The following DCTN2 variants were observed in gnomAD, a reference collection of about 807,000 sequenced individuals.
DCTN2 encodes dynactin subunit 2.
DCTN2 carries 18 observed loss-of-function variants against 55.4 expected under a neutral mutation model. The ratio of observed to expected loss-of-function variants is 0.32; its 90% CI spans 0.22 to 0.48. The LOEUF is 0.48. Among genes scored for constraint, DCTN2 ranks in the 20% least tolerant of loss-of-function variants. The probability of loss-of-function intolerance (pLI) is 0.99; values close to 1 mark genes in which losing one functional copy is unlikely to be tolerated. For synonymous variants in DCTN2, 168 were observed against 185.2 expected (o/e 0.91, Z 0.76); for missense variants, 390 against 491.0 (o/e 0.79, Z 1.94).
chr12:57,533,882 G>A, intron 7 of DCTN2, 71 bp downstream of exon 7: 1 of 1,477,272 alleles, frequency 6.8e-7, no homozygotes, highest in Non-Finnish European at 9.1e-7. Context: ...CCTCTCCTTG[G>A]AGAGAGGCAG....
At chr12:57,531,265 T>C (rs1879675693) in intron 13 of DCTN2, among the ~76,000 whole-genome samples, 1 of 152,108 alleles carries the variant, frequency 6.6e-6, no homozygotes, top group Non-Finnish European at 1.5e-5. Context: ...CTCACGCCTG[T>C]AATCTCAGCA....
chr12:57,535,485 A>G lies in DCTN2; in HGVS notation c.263T>C (p.Met88Thr). 6.2e-7 allele frequency: 1 copy of G among 1,613,878 alleles called. No homozygotes were observed. Residue 88 changes from methionine to threonine, a missense_variant and splice_region_variant, in exon 4 of 14, where the codon ATG (methionine) becomes ACG (threonine). Physicochemically the swap from Met to Thr is moderately conservative, Grantham distance 81. Transcript: ENST00000548249. ...AACACACACACACACACAACAAACC[A>G]TCTCATATTCTCCAGATTCATATCC... ...RTGYESGEYE[M>T]LGEGLGVKET...
intron 2 of DCTN2, chr12:57,541,392 G>A (rs774884867): frequency 1.9e-6 from 3 of 1,599,316 alleles, no homozygotes. Context: ...AGGCAAGGTG[G>A]TGAGGAGGGA....
chr12:57,534,511 A>T, intron 5 of DCTN2, 59 bp from the exon 6 acceptor site: 2 of 1,539,200 alleles, frequency 1.3e-6, no homozygotes, highest in South Asian at 1.2e-5. Context: ...AAGCAAAAAA[A>T]TAGGTCAAGC....
chr12:57,534,195 A>T, intron 6 of DCTN2, 97 bp downstream of exon 6: 2 of 1,524,674 alleles, frequency 1.3e-6, no homozygotes, highest in Non-Finnish European at 1.8e-6. Flanking sequence ...GAAACATCTA[A>T]GCCACTTCTC....
At chr12:57,532,888 A>G in intron 9 of DCTN2, 78 bp from the exon 10 acceptor site, 1 of 1,597,028 alleles carries the variant, frequency 6.3e-7, no homozygotes, top group Non-Finnish European at 8.6e-7. Context: ...CCACTAAATT[A>G]ATATATAGCT....
In DCTN2 at chr12:57,530,648, A is replaced by G. The variant is rs1802914; in HGVS notation, c.*41T>C. 5,655 of 1,538,264 alleles carry G rather than the reference A, an allele frequency of 3.7e-3. 175 individuals carry two copies. The African/African-American group carries it at 0.069, about 19-fold the overall frequency. On this transcript the variant is annotated 3_prime_UTR_variant, in exon 14 of 14. Transcript: ENST00000548249. ...TATGTAAGCTGTTAACAGAGTTCAC[A>G]GGGGTAGGGATAACCCCTGTTCTCC...
intron 13 of DCTN2, 40 bp downstream of exon 13, chr12:57,531,975 T>C: frequency 6.4e-7 from 1 of 1,552,550 alleles, no homozygotes; most frequent in East Asian, 2.4e-5. Context: ...AGTTTGCACA[T>C]GCTGGAGAAA....
At position 57,537,606 on chromosome 12, in the gene DCTN2, G is replaced by T. The variant is rs114056031; in HGVS notation, c.106-1761C>A. 5.3e-3 allele frequency among the ~76,000 whole-genome samples: 812 copies of T among 152,184 alleles called. 9 individuals are homozygous for T. Among genetic ancestry groups the T allele is most frequent in the African/African-American group, 0.018 (754 of 41,506 alleles). On this transcript the variant is annotated intron_variant, in intron 2 of 13. Coordinates refer to ENST00000548249, the MANE Select transcript of DCTN2 (RefSeq NM_001261413.2). ...GCTATTAGAGCAGGAATCAGTGTGG[G>T]TGACAGCTTTAAAAATAAGGGAAGA...
intron 7 of DCTN2, 47 bp from the exon 8 acceptor site, chr12:57,533,350 T>C (rs1173472349): frequency 1.3e-6 from 2 of 1,556,382 alleles, no homozygotes; most frequent in East Asian, 2.2e-5. Context: ...TCCCTGCTGC[T>C]GCAATGGGAG....
intron 6 of DCTN2, 76 bp from the exon 7 acceptor site, chr12:57,534,173 A>C (rs1444292846): frequency 6.5e-7 from 1 of 1,529,196 alleles, no homozygotes; most frequent in Non-Finnish European, 8.8e-7. Context: ...TTTGCCTCAT[A>C]ATCAGCATTA....
intron 9 of DCTN2, 62 bp downstream of exon 9, chr12:57,532,922 A>G: frequency 6.3e-7 from 1 of 1,595,426 alleles, no homozygotes; most frequent in East Asian, 2.2e-5. Context: ...TAATCCTCAA[A>G]GCAAACCCAA....
intron 2 of DCTN2, among the ~76,000 whole-genome samples, chr12:57,543,502 T>C (rs908246406): frequency 6.6e-6 from 1 of 152,092 alleles, no homozygotes; most frequent in Non-Finnish European, 1.5e-5. Context: ...ACATGACATT[T>C]CTAGATTATC....
Position 57,547,019 on chromosome 12 carries a change from T to G in DCTN2, c.36+9A>C, listed in dbSNP as rs756101255. 3.9e-6 allele frequency: 5 copies of G among 1,292,008 alleles called. No individual in the cohort carries two copies. The highest frequency in any genetic ancestry group is 4.9e-6 in the Non-Finnish European group (5 of 1,011,504). The allele number at this position is 1,292,008 out of a possible 1,614,324, so 80.0% of individuals were successfully genotyped here. ...GGTCCTGGGGAGCCGGGGCCGGTCC[T>G]GTACTCACAATGCCGGGAAGGTCGG... On this transcript the variant is annotated intron_variant, in intron 1 of 13. Coordinates refer to ENST00000548249, the MANE Select transcript of DCTN2 (RefSeq NM_001261413.2).
At chr12:57,543,489 C>T (rs539361363) in intron 2 of DCTN2, among the ~76,000 whole-genome samples, 24 of 152,236 alleles carry the variant, frequency 1.6e-4, no homozygotes, top group South Asian at 6.2e-4. Flanking sequence ...CCAGGCCTCA[C>T]GGACATGACA....
At chr12:57,531,959 G>A (rs1017337506) in intron 13 of DCTN2, 56 bp downstream of exon 13, 1 of 1,551,270 alleles carries the variant, frequency 6.4e-7, no homozygotes, top group Non-Finnish European at 8.7e-7. Flanking sequence ...TAACACTGGA[G>A]AACCTAGTTT....
intron 8 of DCTN2, 92 bp downstream of exon 8, chr12:57,533,146 G>T: frequency 1.3e-6 from 2 of 1,566,350 alleles, no homozygotes; most frequent in South Asian, 1.1e-5. Context: ...GCCCTTTGAT[G>T]ACTCCTCCCA....
chr12:57,542,340 A>G (rs1483773221), intron 2 of DCTN2, among the ~76,000 whole-genome samples: 1 of 152,050 alleles, frequency 6.6e-6, no homozygotes, highest in Non-Finnish European at 1.5e-5. Flanking sequence ...TTCCTCCCCC[A>G]TCCTCCCCAC....
intron 5 of DCTN2, 84 bp downstream of exon 5, chr12:57,534,972 G>T: frequency 1.6e-6 from 2 of 1,219,606 alleles, no homozygotes; most frequent in Non-Finnish European, 2.4e-6. Flanking sequence ...ACCCAGCCAG[G>T]CAGGGAATCT....
Sources: gnomAD v4.1 joint callset for allele counts (sites outside exome capture counted in the v4.1 genomes callset) on GRCh38, gnomAD v4.1.1 for gene constraint, MANE v1.5 for transcripts, NCBI Gene and HGNC (gene_info 2026-07-23, HGNC 2026-07-21) for gene names.